RBPJ: variants seen among roughly 807,000 people sequenced by gnomAD.
RBPJ encodes recombination signal binding protein for immunoglobulin kappa J region, also known as recombining binding protein suppressor of hairless.
A neutral mutation model predicts 67.8 loss-of-function variants in RBPJ; 9 were observed. The ratio of observed to expected loss-of-function variants is 0.13; its 90% confidence interval spans 0.08 to 0.23. The LOEUF is 0.23. Ranked by LOEUF, RBPJ falls within the 10% of genes least tolerant of loss-of-function variation. The pLI is 1.00. For missense variants in RBPJ, 305 were observed against 595.6 expected (o/e 0.51, Z 5.08); for synonymous variants, 198 against 203.3 (o/e 0.97, Z 0.22).
At chr4:26,331,927 A>C (rs1322434307) in intron 1 of RBPJ, among the ~76,000 whole-genome samples, 4 of 152,204 alleles carry the variant, frequency 2.6e-5, no homozygotes, top group Admixed American at 2.0e-4. Context: ...TACAACTTGA[A>C]ATTTTATACT....
intron 1 of RBPJ, among the ~76,000 whole-genome samples, chr4:26,250,740 A>T (rs773455299): frequency 4.6e-5 from 7 of 152,316 alleles, no homozygotes; most frequent in Admixed American, 2.0e-4. Context: ...GTTATTGTAA[A>T]TAATAACTAT....
intron 1 of RBPJ, among the ~76,000 whole-genome samples, chr4:26,341,658 A>G (rs1308978448): frequency 6.6e-6 from 1 of 152,022 alleles, no homozygotes; most frequent in East Asian, 1.9e-4. Flanking sequence ...CGAAAACAAA[A>G]CCAAACAAAA....
chr4:26,309,064 T>C (rs1420124732), intron 1 of RBPJ, among the ~76,000 whole-genome samples: 2 of 151,714 alleles, frequency 1.3e-5, no homozygotes, highest in Non-Finnish European at 2.9e-5. Context: ...GACAGAGTCT[T>C]GTGCTGTCAC....
intron 1 of RBPJ, among the ~76,000 whole-genome samples, chr4:26,165,888 C>T (rs1305211559): frequency 2.2e-5 from 3 of 138,184 alleles, no homozygotes; most frequent in African/African-American, 8.5e-5. Context: ...CACAACAGTC[C>T]CCAGAGTGTG....
At chr4:26,210,476 C>T (rs1718346054) in intron 1 of RBPJ, among the ~76,000 whole-genome samples, 1 of 152,102 alleles carries the variant, frequency 6.6e-6, no homozygotes, top group African/African-American at 2.4e-5. Flanking sequence ...ATTCCCATCG[C>T]ATCAAAAATC....
At chr4:26,328,466 C>T (rs914188943) in intron 1 of RBPJ, among the ~76,000 whole-genome samples, 9 of 152,062 alleles carry the variant, frequency 5.9e-5, no homozygotes, top group East Asian at 1.9e-4. Flanking sequence ...GTGCTGTAAC[C>T]GATATTTAGT....
At chr4:26,137,108 C>T in the RBPJ span, among the ~76,000 whole-genome samples, 1 of 152,214 alleles carries the variant, frequency 6.6e-6, no homozygotes, top group Non-Finnish European at 1.5e-5. Context: ...AATTTCCCCA[C>T]AGGAGCAGTG....
At chr4:26,157,716 A>G in the RBPJ span, among the ~76,000 whole-genome samples, 2 of 152,196 alleles carry the variant, frequency 1.3e-5, no homozygotes, top group Admixed American at 6.5e-5. Context: ...GCTTGGTTGT[A>G]TGACTCACTT....
intron 1 of RBPJ, among the ~76,000 whole-genome samples, chr4:26,290,339 TA>T (rs1318407228): frequency 7.3e-6 from 1 of 136,512 alleles, no homozygotes; most frequent in Non-Finnish European, 1.6e-5. Context: ...AAAAAAAAAG[TA>T]AAAAAAGTTA....
intron 1 of RBPJ, among the ~76,000 whole-genome samples, chr4:26,363,700 A>G (rs1728316697): frequency 6.6e-6 from 1 of 152,182 alleles, no homozygotes; most frequent in Admixed American, 6.5e-5. Context: ...CAGCATCCCA[A>G]AGTGCTGGGA....
chr4:26,211,872 A>T (rs1240352069), intron 1 of RBPJ, among the ~76,000 whole-genome samples: 2 of 152,194 alleles, frequency 1.3e-5, no homozygotes. Context: ...AGTACAGTAG[A>T]CCATCCAATA....
At chr4:26,377,551 C>CT (rs1157750706) in intron 1 of RBPJ, among the ~76,000 whole-genome samples, 1 of 152,166 alleles carries the variant, frequency 6.6e-6, no homozygotes, top group African/African-American at 2.4e-5. Flanking sequence ...TGAAGTGAGG[C>CT]GTCTGAAGGA....
chr4:26,350,163 A>G (rs1726651070), intron 1 of RBPJ, among the ~76,000 whole-genome samples: 1 of 152,106 alleles, frequency 6.6e-6, no homozygotes, highest in Admixed American at 6.6e-5. Context: ...TTTCTTACAA[A>G]TTTTCATATT....
intron 1 of RBPJ, among the ~76,000 whole-genome samples, chr4:26,233,310 C>A (rs1577499281): frequency 6.6e-6 from 1 of 152,328 alleles, no homozygotes; most frequent in Non-Finnish European, 1.5e-5. Context: ...ATTTATACAA[C>A]CCACAGGTGT....
At chr4:26,119,110 A>G in the RBPJ span, among the ~76,000 whole-genome samples, 3 of 152,180 alleles carry the variant, frequency 2.0e-5, no homozygotes, top group Admixed American at 6.5e-5. Flanking sequence ...CTACCTTATA[A>G]TATCACTGTG....
intron 1 of RBPJ, among the ~76,000 whole-genome samples, chr4:26,232,676 C>G (rs762608273): frequency 7.9e-5 from 12 of 152,178 alleles, no homozygotes; most frequent in Non-Finnish European, 1.6e-4. Flanking sequence ...TAATCATTTA[C>G]TGAGCACTTA....
At chr4:26,275,776 G>A (rs561432396) in intron 1 of RBPJ, among the ~76,000 whole-genome samples, 3 of 152,010 alleles carry the variant, frequency 2.0e-5, no homozygotes, top group Non-Finnish European at 2.9e-5. Context: ...GACTACAGGC[G>A]TGCACCACCA....
chr4:26,213,607 G>A (rs1052091732), intron 1 of RBPJ, among the ~76,000 whole-genome samples: 4 of 152,138 alleles, frequency 2.6e-5, no homozygotes, highest in African/African-American at 4.8e-5. Context: ...AGGTAGGCGG[G>A]GGCTAGATCC....
chr4:26,430,962 A>G lies in RBPJ; in HGVS notation c.1419A>G (p.Thr473=). ...AGGGAAGTTACACAAACGCCAGCAC[A>G]AATTCAACCAGTGTCACATCATCTA... ...NSEGSYTNAS[T]NSTSVTSSTA... The change falls in exon 11 of 11, where the codon ACA becomes ACG. Residue 473 remains threonine (T), a synonymous_variant. Transcript: ENST00000355476. The surrounding 1 kb of genome is among the most constrained non-coding windows in gnomAD (Gnocchi z 4.1). 1 of 1,614,090 alleles carries G rather than the reference A, an allele frequency of 6.2e-7. No homozygotes were observed. The highest frequency in any genetic ancestry group is 8.5e-7 in the Non-Finnish European group (1 of 1,180,000).
Sources: allele counts gnomAD v4.1 joint callset (sites outside exome capture counted in the v4.1 genomes callset), GRCh38; gene constraint gnomAD v4.1.1; non-coding constraint Gnocchi (gnomAD v3.1); transcripts MANE v1.5; gene names NCBI Gene and HGNC (gene_info 2026-07-23, HGNC 2026-07-21).